Variants in ADGRL3 observed in about 807,000 individuals in gnomAD.
ADGRL3 encodes calcium-independent alpha-latrotoxin receptor 3.
A neutral mutation model predicts 153.5 loss-of-function variants in ADGRL3; 62 were observed. The observed-to-expected ratio is 0.40, with a 90% CI of 0.33 to 0.50. The LOEUF (loss-of-function observed/expected upper bound fraction) is 0.50, where lower values mean the gene tolerates loss of function less well. ADGRL3 is among the 20% of genes least tolerant of loss of function. The probability of loss-of-function intolerance (pLI) is 0.47; values close to 1 mark genes in which losing one functional copy is unlikely to be tolerated. For missense variants in ADGRL3, 1,641 were observed against 1,859.4 expected (o/e 0.88, Z 2.16); for synonymous variants, 710 against 672.5 (o/e 1.06, Z -0.86).
intron 2 of ADGRL3, among the ~76,000 whole-genome samples, chr4:61,387,537 G>A (rs573488491): frequency 6.6e-5 from 10 of 152,184 alleles, no homozygotes; most frequent in African/African-American, 2.4e-4. Flanking sequence ...CCCACCCCCA[G>A]GTGCACATTC....
chr4:61,502,404 G>A (rs554446268), intron 3 of ADGRL3, among the ~76,000 whole-genome samples: 1 of 151,796 alleles, frequency 6.6e-6, no homozygotes, highest in African/African-American at 2.4e-5. Context: ...GAATAACGGC[G>A]AGCGGTATGT....
At chr4:61,984,197 G>A (rs7690001) in intron 19 of ADGRL3, among the ~76,000 whole-genome samples, 145,528 of 152,246 alleles carry the variant, frequency 0.96, 69,928 homozygotes, top group East Asian at 1. Flanking sequence ...CTACATACAT[G>A]TAACAGTTGA....
intron 2 of ADGRL3, among the ~76,000 whole-genome samples, chr4:61,446,628 A>G (rs2097585302): frequency 1.3e-5 from 2 of 152,174 alleles, no homozygotes; most frequent in Admixed American, 1.3e-4. Flanking sequence ...TTGAATAAAT[A>G]AAGATAATAT....
At chr4:61,976,222 A>G (rs1220281282) in intron 17 of ADGRL3, among the ~76,000 whole-genome samples, 1 of 152,192 alleles carries the variant, frequency 6.6e-6, no homozygotes, top group Non-Finnish European at 1.5e-5. Flanking sequence ...ACAAACATGC[A>G]ATCTCAGAAA....
At chr4:61,612,336 C>G (rs1362940882) in intron 5 of ADGRL3, among the ~76,000 whole-genome samples, 1 of 152,068 alleles carries the variant, frequency 6.6e-6, no homozygotes, top group Non-Finnish European at 1.5e-5. Flanking sequence ...TGACAGATCT[C>G]CAAATGATAG....
rs1047061338 is a variant in ADGRL3 at position 61,711,519 on chromosome 4, C to T, written c.584-19103C>T. ...ACACACACACACACACACACAATAG[C>T]ATGATTGTAGAACTGTTAAAAGAAA... On this transcript the variant is annotated intron_variant, in intron 6 of 26. Coordinates refer to ENST00000683033, the MANE Select transcript of ADGRL3 (RefSeq NM_001387552.1). 1.1e-4 allele frequency among the ~76,000 whole-genome samples: 14 copies of T among 124,914 alleles called. 1 individual carries two copies. The East Asian group carries it at 3.6e-3, about 32-fold the overall frequency. 81.9% of individuals were successfully genotyped at this position (124,914 alleles called of 152,430 possible).
chr4:61,788,683 A>G (rs2152422388), intron 8 of ADGRL3, among the ~76,000 whole-genome samples: 1 of 152,316 alleles, frequency 6.6e-6, no homozygotes, highest in East Asian at 1.9e-4. Context: ...CAAACCAAGA[A>G]GAAATCTCTG....
At chr4:61,859,115 TCCCAG>T (rs1313427185) in intron 9 of ADGRL3, among the ~76,000 whole-genome samples, 2 of 152,194 alleles carry the variant, frequency 1.3e-5, no homozygotes, top group Non-Finnish European at 2.9e-5. Context: ...TCTGGACTCA[TCCCAG>T]CCTTCTTTGT....
chr4:61,738,874 C>G (rs2096550212), intron 8 of ADGRL3, among the ~76,000 whole-genome samples: 1 of 152,114 alleles, frequency 6.6e-6, no homozygotes, highest in African/African-American at 2.4e-5. Flanking sequence ...TTCAGAGACT[C>G]TAAGTGAAGT....
At chr4:61,986,770 A>G (rs2099086961) in intron 19 of ADGRL3, among the ~76,000 whole-genome samples, 1 of 152,228 alleles carries the variant, frequency 6.6e-6, no homozygotes, top group South Asian at 2.1e-4. Context: ...GTCTTGGGGT[A>G]CATTGTAAAT....
chr4:61,835,412 C>T (rs1367144041), intron 9 of ADGRL3, among the ~76,000 whole-genome samples: 2 of 138,648 alleles, frequency 1.4e-5, no homozygotes, highest in African/African-American at 5.3e-5. Flanking sequence ...AACCTTTTTC[C>T]AGAAAAACAA....
intron 18 of ADGRL3, among the ~76,000 whole-genome samples, chr4:61,981,083 T>C (rs2099066626): frequency 6.6e-6 from 1 of 152,220 alleles, no homozygotes. Context: ...CTGTACCATT[T>C]TGTGTTCCCA....
intron 1 of ADGRL3, among the ~76,000 whole-genome samples, chr4:61,219,225 T>C (rs1459213407): frequency 2.0e-5 from 3 of 152,214 alleles, no homozygotes; most frequent in Admixed American, 1.3e-4. Flanking sequence ...ATGGTGATCA[T>C]TGGTTAAATG....
chr4:61,307,351 G>T (rs1433989174), intron 1 of ADGRL3, among the ~76,000 whole-genome samples: 1 of 152,100 alleles, frequency 6.6e-6, no homozygotes, highest in Non-Finnish European at 1.5e-5. Flanking sequence ...GTTCAAATTT[G>T]TGAGGTAATT....
intron 4 of ADGRL3, among the ~76,000 whole-genome samples, chr4:61,569,792 G>A (rs1400880093): frequency 6.6e-6 from 1 of 151,864 alleles, no homozygotes; most frequent in Non-Finnish European, 1.5e-5. Flanking sequence ...TTTCTGTTGA[G>A]GTGAAAGTCA....
intron 21 of ADGRL3, among the ~76,000 whole-genome samples, chr4:62,023,356 T>C (rs988102259): frequency 3.9e-5 from 6 of 152,164 alleles, no homozygotes; most frequent in Non-Finnish European, 7.4e-5. Flanking sequence ...TAGAATCTAC[T>C]CCTGGTAAAG....
intron 1 of ADGRL3, among the ~76,000 whole-genome samples, chr4:61,273,956 A>T (rs1276358976): frequency 6.6e-6 from 1 of 152,150 alleles, no homozygotes; most frequent in Non-Finnish European, 1.5e-5. Flanking sequence ...GAAAATTCTG[A>T]CTCTTACAAT....
chr4:61,336,157 A>G (rs1383526661), intron 1 of ADGRL3, among the ~76,000 whole-genome samples: 2 of 152,182 alleles, frequency 1.3e-5, no homozygotes, highest in Non-Finnish European at 2.9e-5. Context: ...CTTTAAAAAT[A>G]CTGTAAATTA....
chr4:61,671,443 T>C (rs1218179134), intron 5 of ADGRL3, among the ~76,000 whole-genome samples: 1 of 152,184 alleles, frequency 6.6e-6, no homozygotes. Context: ...CTAATAGAAC[T>C]CAACAATTAA....
Sources: allele counts gnomAD v4.1 joint callset (sites outside exome capture counted in the v4.1 genomes callset), GRCh38; gene constraint gnomAD v4.1.1; transcripts MANE v1.5; gene names NCBI Gene and HGNC (gene_info 2026-07-23, HGNC 2026-07-21).